Variants in CNTN4 observed in about 807,000 individuals in gnomAD.
CNTN4 encodes the protein contactin-4.
In CNTN4, 77 loss-of-function variants were observed where a neutral mutation model predicts 122.5. The ratio of observed to expected loss-of-function variants is 0.63; its 90% CI spans 0.52 to 0.76. CNTN4 has a LOEUF of 0.76. CNTN4 is among the 30% of genes least tolerant of loss of function. The probability of loss-of-function intolerance (pLI) is 0.00; values close to 1 mark genes in which losing one functional copy is unlikely to be tolerated. For synonymous variants in CNTN4, 512 were observed against 447.0 expected, an observed-to-expected ratio of 1.15 and a Z score of -1.83; for missense variants, 1,256 against 1,259.1, an observed-to-expected ratio of 1.00 and a Z score of 0.04.
chr3:2,733,214 T>A (rs2088824827), intron 4 of CNTN4, among the ~76,000 whole-genome samples: 1 of 152,168 alleles, frequency 6.6e-6, no homozygotes, highest in Admixed American at 6.6e-5. Context: ...CACCAATGAA[T>A]TGAGATGATT....
At chr3:2,317,632 A>G (rs2043149522) in intron 2 of CNTN4, among the ~76,000 whole-genome samples, 1 of 152,190 alleles carries the variant, frequency 6.6e-6, no homozygotes, top group African/African-American at 2.4e-5. Context: ...CATAGTTCAT[A>G]GTGAGTTTGA....
At chr3:2,674,925 C>T (rs1293880493) in intron 4 of CNTN4, among the ~76,000 whole-genome samples, 1 of 152,202 alleles carries the variant, frequency 6.6e-6, no homozygotes, top group African/African-American at 2.4e-5. Flanking sequence ...CTATTCTACT[C>T]TCTACTTTCA....
intron 6 of CNTN4, among the ~76,000 whole-genome samples, chr3:2,797,517 A>C (rs890338224): frequency 6.6e-6 from 1 of 152,100 alleles, no homozygotes; most frequent in African/African-American, 2.4e-5. Flanking sequence ...AGAATCACTT[A>C]AACCTGGGAG....
chr3:3,025,207 T>C (rs952761365), intron 14 of CNTN4, among the ~76,000 whole-genome samples: 1 of 152,216 alleles, frequency 6.6e-6, no homozygotes, highest in South Asian at 2.1e-4. Context: ...AAGCCCATTC[T>C]ATTCCCAGTT....
Position 2,115,979 on chromosome 3 carries a change from G to T in CNTN4, c.-145+15340G>T, listed in dbSNP as rs975033101. The stretch of plus-strand genomic sequence containing the variant: ...TTAACTTTGGGAACCATGAGTCTTG[G>T]TATTTATGCAGTGAGACTTAAATCT... On this transcript the variant is annotated intron_variant, in intron 2 of 24. Coordinates refer to ENST00000418658, the MANE Select transcript of CNTN4 (RefSeq NM_175607.3). Among the ~76,000 whole-genome samples the T allele has an allele frequency of 2.6e-5, 4 of 152,274 alleles. No individual in the cohort carries two copies. In the South Asian group the frequency reaches 8.3e-4, roughly 32 times the overall value.
intron 15 of CNTN4, among the ~76,000 whole-genome samples, chr3:3,027,571 A>T (rs1188951054): frequency 6.6e-6 from 1 of 152,224 alleles, no homozygotes; most frequent in Non-Finnish European, 1.5e-5. Context: ...ATAAACTTTA[A>T]TGGTGGTATT....
At chr3:2,208,605 T>C (rs546191442) in intron 2 of CNTN4, among the ~76,000 whole-genome samples, 1 of 152,262 alleles carries the variant, frequency 6.6e-6, no homozygotes, top group African/African-American at 2.4e-5. Flanking sequence ...GCATTTTGAA[T>C]TGACTGCATT....
At chr3:2,264,863 T>G (rs1358237613) in intron 2 of CNTN4, among the ~76,000 whole-genome samples, 2 of 152,116 alleles carry the variant, frequency 1.3e-5, no homozygotes, top group African/African-American at 4.8e-5. Context: ...TTTTTTAAAT[T>G]TATTTTTCAT....
intron 2 of CNTN4, among the ~76,000 whole-genome samples, chr3:2,101,364 C>A (rs1369552684): frequency 6.6e-6 from 1 of 152,140 alleles, no homozygotes; most frequent in Non-Finnish European, 1.5e-5. Context: ...GACTTTTCTA[C>A]AAGTTTGTCT....
chr3:2,601,142 T>G lies in CNTN4; in HGVS notation c.55+29584T>G, dbSNP rs537332677. On this transcript the variant is annotated intron_variant, in intron 4 of 24. Coordinates refer to ENST00000418658, the MANE Select transcript of CNTN4 (RefSeq NM_175607.3). ...GTAGATTGCAAAAATTTTCTCCCAT[T>G]CTGTAGGTTGCCTGTTCACTCTGAT... Among the ~76,000 whole-genome samples the G allele has an allele frequency of 1.8e-4, 28 of 152,260 alleles. No individual in the cohort carries two copies. The East Asian group carries it at 4.0e-3, about 22-fold the overall frequency.
At chr3:2,147,387 A>G (rs2035294272) in intron 2 of CNTN4, among the ~76,000 whole-genome samples, 1 of 152,214 alleles carries the variant, frequency 6.6e-6, no homozygotes, top group Admixed American at 6.5e-5. Flanking sequence ...AGCAAAAAAA[A>G]AAATTTGCAG....
intron 4 of CNTN4, among the ~76,000 whole-genome samples, chr3:2,626,967 G>A (rs1025262484): frequency 1.3e-5 from 2 of 152,178 alleles, no homozygotes; most frequent in Non-Finnish European, 1.5e-5. Context: ...AGTATTTTGT[G>A]TGTCCATACT....
chr3:2,363,741 G>C (rs768678947), intron 3 of CNTN4, among the ~76,000 whole-genome samples: 5 of 152,078 alleles, frequency 3.3e-5, no homozygotes, highest in African/African-American at 4.8e-5. Context: ...CGAAGATAGA[G>C]AATAACTGGT....
chr3:2,274,797 A>G (rs752389119), intron 2 of CNTN4, among the ~76,000 whole-genome samples: 5 of 152,194 alleles, frequency 3.3e-5, no homozygotes, highest in Non-Finnish European at 7.3e-5. Context: ...CCGAGTAAAA[A>G]TGTTAAATAT....
chr3:2,528,647 T>C (rs1273676694), intron 3 of CNTN4, among the ~76,000 whole-genome samples: 1 of 152,174 alleles, frequency 6.6e-6, no homozygotes, highest in African/African-American at 2.4e-5. Flanking sequence ...AGATTATAGG[T>C]GGTGGCTAAA....
chr3:2,520,133 G>T (rs553973510), intron 3 of CNTN4, among the ~76,000 whole-genome samples: 1 of 151,896 alleles, frequency 6.6e-6, no homozygotes, highest in South Asian at 2.1e-4. Context: ...AGTAATTCAG[G>T]TCAATAGACT....
chr3:2,549,045 A>G (rs1395940561), intron 3 of CNTN4, among the ~76,000 whole-genome samples: 1 of 152,106 alleles, frequency 6.6e-6, no homozygotes, highest in Non-Finnish European at 1.5e-5. Flanking sequence ...GACTTTGCTG[A>G]AGTTGCTGAT....
chr3:2,534,837 T>TGC (rs1435013675), intron 3 of CNTN4, among the ~76,000 whole-genome samples: 3 of 50,132 alleles, frequency 6.0e-5, no homozygotes, highest in Admixed American at 2.0e-4. Context: ...GCTGCTGCTG[T>TGC]TGCTGTTATT....
intron 13 of CNTN4, among the ~76,000 whole-genome samples, chr3:2,959,998 C>T (rs2094837009): frequency 6.6e-6 from 1 of 152,198 alleles, no homozygotes; most frequent in Admixed American, 6.5e-5. Context: ...GTTCTATCTT[C>T]AAAGTCCTTT....
Sources: gnomAD v4.1 joint callset for allele counts (sites outside exome capture counted in the v4.1 genomes callset) on GRCh38, gnomAD v4.1.1 for gene constraint, MANE v1.5 for transcripts, NCBI Gene and HGNC (gene_info 2026-07-23, HGNC 2026-07-21) for gene names.